Variants in NFKB2 observed in about 807,000 individuals in gnomAD.
NFKB2 encodes the protein nuclear factor kappa B subunit 2.
NFKB2 carries 21 observed loss-of-function variants against 109.3 expected under a neutral mutation model. That is an observed-to-expected ratio of 0.19 (90% CI 0.14 to 0.28). NFKB2 has a LOEUF of 0.28. Ranked by LOEUF, NFKB2 falls within the 10% of genes least tolerant of loss-of-function variation. The probability of loss-of-function intolerance (pLI) is 1.00; values close to 1 mark genes in which losing one functional copy is unlikely to be tolerated. For missense variants in NFKB2, 806 were observed against 1,185.3 expected, an observed-to-expected ratio of 0.68 and a Z score of 4.70; for synonymous variants, 478 against 489.9, an observed-to-expected ratio of 0.98 and a Z score of 0.32.
rs1481850633 is a variant in NFKB2 at position 102,396,373 on chromosome 10, G to A, written c.103+39G>A. On this transcript the variant is annotated intron_variant, in intron 3 of 22. Coordinates refer to ENST00000661543, the MANE Select transcript of NFKB2 (RefSeq NM_001322934.2). The surrounding 1 kb of genome is among the most constrained non-coding windows in gnomAD (Gnocchi z 5.9). ...CTAACCTCCCCTAGTCCTAAAGCGG[G>A]GGAGGGAGAGCATGTGCCCTCTCTC... The A allele has an allele frequency of 1.2e-6, 2 of 1,613,670 alleles. No individual in the cohort carries two copies. The highest frequency in any genetic ancestry group is 1.3e-5 in the African/African-American group (1 of 74,928).
chr10:102,394,113 C>T (rs1243618906), upstream of NFKB2: 2 of 152,298 alleles, frequency 1.3e-5, no homozygotes, highest in Non-Finnish European at 2.9e-5. Flanking sequence ...TAACTTCCTT[C>T]CTCTTCCGCT....
At chr10:102,395,663 C>A (rs1019859500), upstream of NFKB2, 1 of 510,784 alleles carries the variant, frequency 2.0e-6, no homozygotes, top group African/African-American at 1.9e-5. Context: ...CCCTCCGGCC[C>A]CGCCTCCCCT....
At position 102,396,157 on chromosome 10, in the gene NFKB2, G is replaced by A; in HGVS notation, c.22-96G>A. On this transcript the variant is annotated intron_variant, in intron 2 of 22. Coordinates refer to ENST00000661543, the MANE Select transcript of NFKB2 (RefSeq NM_001322934.2). The surrounding 1 kb of genome is among the most constrained non-coding windows in gnomAD (Gnocchi z 5.9). Reference sequence around the variant, plus strand: ...AGGAGCTTTCTCTTGGGTCTGAGGAGGAGGGGGGAGTGACCACTGAAGACT... The same window carrying A: ...AGGAGCTTTCTCTTGGGTCTGAGGAAGAGGGGGGAGTGACCACTGAAGACT... 4 of 1,471,704 alleles carry A rather than the reference G, an allele frequency of 2.7e-6. No individual in the cohort carries two copies. Among genetic ancestry groups the A allele is most frequent in the East Asian group, 4.6e-5 (2 of 43,826 alleles). The allele number at this position is 1,471,704 out of a possible 1,614,324, so 91.2% of individuals were successfully genotyped here.
Position 102,396,023 on chromosome 10 carries a change from G to T in NFKB2, c.21+43G>T, listed in dbSNP as rs369476138. On this transcript the variant is annotated intron_variant, in intron 2 of 22. Transcript: ENST00000661543. This position sits in a 1 kb window ranked among gnomAD's most constrained non-coding sequence, Gnocchi z 5.9. ...CCCCTGACCCGGCCGGCTGCCCCTCGTGTCTGTCCACCTGTCTGCCCGAGC... is the reference window on the plus strand; with the variant it reads ...CCCCTGACCCGGCCGGCTGCCCCTCTTGTCTGTCCACCTGTCTGCCCGAGC... The T allele has an allele frequency of 4.3e-6, 7 of 1,610,490 alleles. No homozygotes were observed. Among genetic ancestry groups the T allele is most frequent in the African/African-American group, 1.3e-5 (1 of 74,856 alleles).
rs368708648 is a variant in NFKB2 at position 102,396,463 on chromosome 10, C to T, written c.118C>T (p.Leu40=). Reference sequence around the variant, plus strand: ...TCTGTCCCCAGCTGATGGCCCCTACCTGGTGATCGTGGAACAGCCTAAGCA... The same window carrying T: ...TCTGTCCCCAGCTGATGGCCCCTACTTGGTGATCGTGGAACAGCCTAAGCA... The part of the protein sequence containing the change: ...PAPETADGPY[L]VIVEQPKQRG... The change falls in exon 4 of 23, where the codon CTG becomes TTG. Residue 40 remains leucine, a synonymous_variant. Coordinates refer to ENST00000661543, the MANE Select transcript of NFKB2 (RefSeq NM_001322934.2). The surrounding 1 kb of genome is among the most constrained non-coding windows in gnomAD (Gnocchi z 5.9). The T allele has an allele frequency of 9.0e-5, 145 of 1,613,996 alleles. No individual in the cohort carries two copies. The highest frequency in any genetic ancestry group is 1.2e-4 in the Non-Finnish European group (137 of 1,180,012).
In NFKB2 at chr10:102,400,863, G is replaced by GGT; in HGVS notation, c.1968+41_1968+42dup. 6.3e-7 allele frequency: 1 copy of GGT among 1,577,344 alleles called. No individual in the cohort carries two copies. Among genetic ancestry groups the GGT allele is most frequent in the African/African-American group, 1.3e-5 (1 of 74,640 alleles). The stretch of plus-strand genomic sequence containing the variant: ...TTGTGGAAGGAGTGGGGCCAAGGGT[G>GGT]GTGGAGGGGCCAAAGATGGTGAAGG... On this transcript the variant is annotated intron_variant, in intron 17 of 22. Coordinates refer to ENST00000661543, the MANE Select transcript of NFKB2 (RefSeq NM_001322934.2). This position sits in a 1 kb window ranked among gnomAD's most constrained non-coding sequence, Gnocchi z 6.3.
At position 102,396,112 on chromosome 10, in the gene NFKB2, T is replaced by G; in HGVS notation, c.21+132T>G. Reference sequence around the variant, plus strand: ...CTCAGCCTGCCAGTCTGTCCATCTGTCTGCAACTCTGCCTCCAAAAGGAGC... The same window carrying G: ...CTCAGCCTGCCAGTCTGTCCATCTGGCTGCAACTCTGCCTCCAAAAGGAGC... On this transcript the variant is annotated intron_variant, in intron 2 of 22. Coordinates refer to ENST00000661543, the MANE Select transcript of NFKB2 (RefSeq NM_001322934.2). The surrounding 1 kb of genome is among the most constrained non-coding windows in gnomAD (Gnocchi z 5.9). The G allele has an allele frequency of 6.9e-7, 1 of 1,456,404 alleles. No individual in the cohort carries two copies. The highest frequency in any genetic ancestry group is 1.2e-5 in the South Asian group (1 of 86,428). The allele number at this position is 1,456,404 out of a possible 1,614,324, so 90.2% of individuals were successfully genotyped here. A position where few individuals can be genotyped will look rare whatever the true frequency, so the allele number is the denominator to read the frequency against.
rs2061165667 is a variant in NFKB2, at chr10:102,398,915, G to A, written c.1117+51G>A. On this transcript the variant is annotated intron_variant, in intron 12 of 22. Coordinates refer to ENST00000661543, the MANE Select transcript of NFKB2 (RefSeq NM_001322934.2). This position sits in a 1 kb window ranked among gnomAD's most constrained non-coding sequence, Gnocchi z 6.6. ...GGTAAAGGTAAGAGAAGCTGTGGAG[G>A]AAAAAAATCTGGGGGAGGCCGGGCG... 5.1e-6 allele frequency: 8 copies of A among 1,564,838 alleles called. No individual in the cohort carries two copies. Among genetic ancestry groups the A allele is most frequent in the Admixed American group, 1.9e-5 (1 of 53,782 alleles).
rs2135436881 is a variant in NFKB2 at position 102,400,016 on chromosome 10, TG to T, written c.1470-60del. On this transcript the variant is annotated intron_variant, in intron 14 of 22. Coordinates refer to ENST00000661543, the MANE Select transcript of NFKB2 (RefSeq NM_001322934.2). This position sits in a 1 kb window ranked among gnomAD's most constrained non-coding sequence, Gnocchi z 6.3. ...CCAGCGAGGGAGACTATGAGGGCGGTGGGGCCTTGAAAGCGAAGGATGCTCT... is the reference window on the plus strand; with the variant it reads ...CCAGCGAGGGAGACTATGAGGGCGGTGGGCCTTGAAAGCGAAGGATGCTCT... The T allele has an allele frequency of 6.6e-7, 1 of 1,511,964 alleles. No individual in the cohort carries two copies. Among genetic ancestry groups the T allele is most frequent in the Non-Finnish European group, 9.1e-7 (1 of 1,093,326 alleles). 93.7% of individuals were successfully genotyped at this position (1,511,964 alleles called of 1,614,324 possible). A position where few individuals can be genotyped will look rare whatever the true frequency, so the allele number is the denominator to read the frequency against.
Position 102,397,567 on chromosome 10 carries a change from G to C in NFKB2, c.543G>C (p.Leu181=). The change falls in exon 8 of 23, where the codon CTG becomes CTC. Residue 181 remains leucine (L), a synonymous_variant. Coordinates refer to ENST00000661543, the MANE Select transcript of NFKB2 (RefSeq NM_001322934.2). This position sits in a 1 kb window ranked among gnomAD's most constrained non-coding sequence, Gnocchi z 4.7. ...AGCTGGAGCAAGAGGCCAAAGAACT[G>C]AAGAAGGTGATGGATCTGAGTATAG... is the stretch of plus-strand genomic sequence containing the variant. ...QRELEQEAKE[L]KKVMDLSIVR... is the part of the protein sequence containing the mutation. The C allele has an allele frequency of 1.2e-6, 2 of 1,613,992 alleles. No homozygotes were observed. The highest frequency in any genetic ancestry group is 1.7e-6 in the Non-Finnish European group (2 of 1,179,850).
rs770536149 is a variant in NFKB2, at chr10:102,398,857, TGGA to T, written c.1116_1117+1del. 10 of 1,593,048 alleles carry T rather than the reference TGGA, an allele frequency of 6.3e-6. No homozygotes were observed. Among genetic ancestry groups the T allele is most frequent in the African/African-American group, 4.0e-5 (3 of 74,200 alleles). ...GTGCAGCCGGGGGCTACGGAGGAGC[TGGA>T]GGAGGTGAGGGGGTACTGATGGAGG... On this transcript the variant is annotated inframe_deletion, in exon 12 of 23. Transcript: ENST00000661543. The surrounding 1 kb of genome is among the most constrained non-coding windows in gnomAD (Gnocchi z 6.6).
Position 102,401,930 on chromosome 10 carries a change from G to T in NFKB2, c.2466+13G>T. 2 of 1,606,814 alleles carry T rather than the reference G, an allele frequency of 1.2e-6. No homozygotes were observed. Among genetic ancestry groups the T allele is most frequent in the Non-Finnish European group, 1.7e-6 (2 of 1,175,964 alleles). On this transcript the variant is annotated intron_variant, in intron 21 of 22. Transcript: ENST00000661543. The surrounding 1 kb of genome is among the most constrained non-coding windows in gnomAD (Gnocchi z 4.2). ...GCGCAGCTACGAGGTGGGTTGGCCT[G>T]TGCCCTGCCCCCTCCCCAGCCTCCT...
upstream of NFKB2, among the ~76,000 whole-genome samples, chr10:102,395,271 C>A (rs939389427): frequency 1.3e-5 from 2 of 152,312 alleles, no homozygotes; most frequent in South Asian, 2.1e-4. Context: ...CGGGGCAGAA[C>A]CCCGGGGCCT....
chr10:102,400,410 G>C lies in NFKB2; in HGVS notation c.1717G>C (p.Gly573Arg). 1 of 1,613,124 alleles carries C rather than the reference G, an allele frequency of 6.2e-7. No homozygotes were observed. The highest frequency in any genetic ancestry group is 8.5e-7 in the Non-Finnish European group (1 of 1,180,020). ...GCATCTGGCGCTGCGGGCAGGCGCTGGTGCTCCTGAGCTGCTGCGTGCACT... is the reference window on the plus strand; with the variant it reads ...GCATCTGGCGCTGCGGGCAGGCGCTCGTGCTCCTGAGCTGCTGCGTGCACT... ...AMHLALRAGA[G>R]APELLRALLQ... The change falls in exon 16 of 23, where the codon GGT becomes CGT. Residue 573 changes from glycine (G) to arginine (R), a missense_variant. By Grantham distance (125) the Gly-to-Arg change is moderately radical. Around this residue, in one of 10 missense-constraint regions of NFKB2, gnomAD observed 163 missense variants for 207.1 expected, o/e 0.79. Transcript: ENST00000661543. This position sits in a 1 kb window ranked among gnomAD's most constrained non-coding sequence, Gnocchi z 6.3.
In NFKB2 at chr10:102,399,945, T is replaced by G. The variant is rs184612476; in HGVS notation, c.1470-135T>G. ...TCAAAAGGTGCTGCGAAACGTTAAG[T>G]GCAGGCACAGCGATGCCCTGGGCCA... On this transcript the variant is annotated intron_variant, in intron 14 of 22. Transcript: ENST00000661543. 351 of 1,085,858 alleles carry G rather than the reference T, an allele frequency of 3.2e-4. 1 individual carries two copies. In the African/African-American group the frequency reaches 4.8e-3, roughly 15 times the overall value. The allele number at this position is 1,085,858 out of a possible 1,614,324, so 67.3% of individuals were successfully genotyped here. A position where few individuals can be genotyped will look rare whatever the true frequency, so the allele number is the denominator to read the frequency against.
In NFKB2 at chr10:102,395,916, A is replaced by G; in HGVS notation, c.-44A>G. ...GGCGTCTAAAATTCTGGGAAGCAGA[A>G]CCTGGCCGGAGCCACTAGACAGAGC... On this transcript the variant is annotated 5_prime_UTR_variant, in exon 2 of 23. Coordinates refer to ENST00000661543, the MANE Select transcript of NFKB2 (RefSeq NM_001322934.2). 6.2e-7 allele frequency: 1 copy of G among 1,609,086 alleles called. No homozygotes were observed. Among genetic ancestry groups the G allele is most frequent in the Non-Finnish European group, 8.5e-7 (1 of 1,178,772 alleles).
In NFKB2 at chr10:102,397,510, A is replaced by G. The variant is rs201960564; in HGVS notation, c.503-17A>G. On this transcript the variant is annotated splice_polypyrimidine_tract_variant and intron_variant, in intron 7 of 22. Transcript: ENST00000661543. The surrounding 1 kb of genome is among the most constrained non-coding windows in gnomAD (Gnocchi z 4.7). ...GGAGGGAGAAGCCCAGGGGTCACAC[A>G]TGTACCTACTGCCCAGAGGCCGAGC... 7.1e-5 allele frequency: 115 copies of G among 1,611,944 alleles called. 1 individual carries two copies. In the East Asian group the frequency reaches 1.7e-3, roughly 23 times the overall value.
chr10:102,399,853 T>A (rs1165229357), intron 14 of NFKB2, 135 bp downstream of exon 14: 6 of 1,338,134 alleles, frequency 4.5e-6, no homozygotes, highest in Non-Finnish European at 4.0e-6. Flanking sequence ...CTGTTCAAGC[T>A]GCTTGGTCTC....
upstream of NFKB2, among the ~76,000 whole-genome samples, chr10:102,394,962 G>T (rs2135425493): frequency 6.6e-6 from 1 of 152,024 alleles, no homozygotes; most frequent in South Asian, 2.1e-4. Flanking sequence ...CACCCACACT[G>T]AGAAGCTCGG....
Sources: allele counts gnomAD v4.1 joint callset (sites outside exome capture counted in the v4.1 genomes callset), GRCh38; gene constraint gnomAD v4.1.1; regional missense constraint gnomAD v4.1.1; non-coding constraint Gnocchi (gnomAD v3.1); transcripts MANE v1.5; gene names NCBI Gene and HGNC (gene_info 2026-07-23, HGNC 2026-07-21).